Variants in CPEB3 observed in about 807,000 individuals in gnomAD.
CPEB3 encodes the protein cytoplasmic polyadenylation element binding protein 3.
Under a neutral mutation model 67.2 loss-of-function variants are expected in CPEB3, and 20 were observed. The ratio of observed to expected loss-of-function variants is 0.30; its 90% confidence interval spans 0.21 to 0.43. The LOEUF (loss-of-function observed/expected upper bound fraction) is 0.43, where lower values mean the gene tolerates loss of function less well. CPEB3 is among the 20% of genes least tolerant of loss of function. The pLI, the probability that CPEB3 is intolerant of heterozygous loss-of-function variation, is 1.00. For synonymous variants in CPEB3, 376 were observed against 393.1 expected, an observed-to-expected ratio of 0.96 and a Z score of 0.51; for missense variants, 746 against 968.6, an observed-to-expected ratio of 0.77 and a Z score of 3.05.
intron 4 of CPEB3, among the ~76,000 whole-genome samples, chr10:92,153,505 G>C (rs1020337489): frequency 3.3e-5 from 5 of 151,988 alleles, no homozygotes; most frequent in African/African-American, 1.2e-4. Context: ...ACTAGCATGG[G>C]CTGGGTGCAG....
rs186824364 is a variant in CPEB3 at position 92,191,167 on chromosome 10, C to T, written c.1165+1310G>A. On this transcript the variant is annotated intron_variant, in intron 3 of 9. Coordinates refer to ENST00000265997, the MANE Select transcript of CPEB3 (RefSeq NM_014912.5). ...TGGCACTCCCAGCACTTTGGGAGGC[C>T]GAGGTGGGCAGATCACTAGAGGTCA... 5.3e-5 allele frequency among the ~76,000 whole-genome samples: 8 copies of T among 151,972 alleles called. No homozygotes were observed. The East Asian group carries it at 9.6e-4, about 18-fold the overall frequency.
At chr10:92,130,097 A>C (rs1401849488) in intron 6 of CPEB3, among the ~76,000 whole-genome samples, 1 of 151,622 alleles carries the variant, frequency 6.6e-6, no homozygotes, top group East Asian at 2.0e-4. Flanking sequence ...AAAGGCACTG[A>C]AGCCTTTTTT....
chr10:92,052,110 C>T lies in CPEB3; in HGVS notation c.*102G>A, dbSNP rs1056228933. 44 of 691,250 alleles carry T rather than the reference C, an allele frequency of 6.4e-5. No individual in the cohort carries two copies. The highest frequency in any genetic ancestry group is 5.7e-4 in the East Asian group (21 of 37,046). The allele number at this position is 691,250 out of a possible 1,614,324, so 42.8% of individuals were successfully genotyped here. On this transcript the variant is annotated 3_prime_UTR_variant, in exon 10 of 10. Coordinates refer to ENST00000265997, the MANE Select transcript of CPEB3 (RefSeq NM_014912.5). ...CCAATTCTTCTTTAAAAATCGAGAA[C>T]GAATGCACAGATTTCCAGAACACTG...
At position 92,240,056 on chromosome 10, in the gene CPEB3, G is replaced by T. The variant is rs374878960; in HGVS notation, c.295C>A (p.Pro99Thr). Residue 99 changes from proline (P) to threonine (T), a missense_variant, in exon 2 of 10, where the codon CCG becomes ACG. By Grantham distance (38) the Pro-to-Thr change is conservative. Transcript: ENST00000265997. ...AAGGACGGCGACAGCGACGCGCCCG[G>T]TGCCGCGGGCTCCTGAGGCGGCGGC... ...QPPPPQEPAA[P>T]GASLSPSFGS... The T allele has an allele frequency of 9.4e-6, 15 of 1,594,914 alleles. No homozygotes were observed. In the African/African-American group the frequency reaches 2.0e-4, roughly 21 times the overall value.
chr10:92,166,872 G>A (rs1455993686), intron 4 of CPEB3, among the ~76,000 whole-genome samples: 1 of 152,170 alleles, frequency 6.6e-6, no homozygotes, highest in Non-Finnish European at 1.5e-5. Context: ...TCCAATAGAT[G>A]GCTGTTTCAC....
intron 2 of CPEB3, among the ~76,000 whole-genome samples, chr10:92,227,726 G>C (rs1044243565): frequency 6.6e-6 from 1 of 151,604 alleles, no homozygotes. Context: ...CGAGTAGCTG[G>C]GACTACAGGT....
chr10:92,117,169 GC>G (rs1845074462), intron 6 of CPEB3, among the ~76,000 whole-genome samples: 1 of 150,374 alleles, frequency 6.7e-6, no homozygotes, highest in African/African-American at 2.5e-5. Flanking sequence ...GATTACAGGT[GC>G]CCGCCACCAT....
At chr10:92,075,972 G>T (rs983297843) in intron 9 of CPEB3, among the ~76,000 whole-genome samples, 4 of 152,118 alleles carry the variant, frequency 2.6e-5, no homozygotes, top group Admixed American at 1.3e-4. Flanking sequence ...GCAACCTGAG[G>T]GGACACACCT....
At chr10:92,281,840 G>A (rs1474541503) in intron 1 of CPEB3, among the ~76,000 whole-genome samples, 1 of 152,200 alleles carries the variant, frequency 6.6e-6, no homozygotes, top group African/African-American at 2.4e-5. Context: ...CTTGAATGGT[G>A]CTAAGGTGCA....
intron 1 of CPEB3, among the ~76,000 whole-genome samples, chr10:92,264,982 A>G (rs1852987117): frequency 1.3e-5 from 2 of 152,016 alleles, no homozygotes; most frequent in Admixed American, 1.3e-4. Flanking sequence ...CCTGGCCAAC[A>G]TGGTGAAACT....
chr10:92,250,858 A>ATTTTTTTTT (rs1211646953), intron 1 of CPEB3, among the ~76,000 whole-genome samples: 15 of 104,124 alleles, frequency 1.4e-4, no homozygotes, highest in Non-Finnish European at 2.3e-4. Flanking sequence ...CACACAGTTA[A>ATTTTTTTTT]TTTTTTTTTT....
chr10:92,115,381 T>C (rs1448059355), intron 6 of CPEB3, among the ~76,000 whole-genome samples: 1 of 112,642 alleles, frequency 8.9e-6, no homozygotes, highest in African/African-American at 4.0e-5. Context: ...CTCAAACACC[T>C]GACCTTGTGA....
chr10:92,097,971 G>A (rs937012933), intron 7 of CPEB3, among the ~76,000 whole-genome samples: 13 of 151,738 alleles, frequency 8.6e-5, no homozygotes, highest in African/African-American at 2.9e-4. Context: ...AGACCAGCCT[G>A]ACCAATATGG....
chr10:92,098,245 C>A (rs1843985828), intron 7 of CPEB3, among the ~76,000 whole-genome samples: 1 of 140,390 alleles, frequency 7.1e-6, no homozygotes, highest in Non-Finnish European at 1.5e-5. Flanking sequence ...AAATTATTTC[C>A]ATAGACCCCA....
chr10:92,135,467 T>A (rs545257131), intron 6 of CPEB3, among the ~76,000 whole-genome samples: 1 of 152,110 alleles, frequency 6.6e-6, no homozygotes, highest in East Asian at 1.9e-4. Flanking sequence ...TGAGATACCA[T>A]CTCACGCCAG....
At chr10:92,257,982 A>G (rs555340074) in intron 1 of CPEB3, among the ~76,000 whole-genome samples, 197 of 152,114 alleles carry the variant, frequency 1.3e-3, no homozygotes, top group Non-Finnish European at 2.4e-3. Flanking sequence ...CGCCAACCTC[A>G]GCCTACCAAA....
chr10:92,188,225 A>G (rs1023114698), intron 3 of CPEB3, among the ~76,000 whole-genome samples: 1 of 150,792 alleles, frequency 6.6e-6, no homozygotes, highest in African/African-American at 2.4e-5. Context: ...AAAATAAGAA[A>G]CAGCTGTCAT....
intron 4 of CPEB3, among the ~76,000 whole-genome samples, chr10:92,176,784 A>G (rs942627806): frequency 6.6e-6 from 1 of 152,226 alleles, no homozygotes; most frequent in Non-Finnish European, 1.5e-5. Context: ...AATAGAGGAA[A>G]AGTCACCAAG....
intron 4 of CPEB3, among the ~76,000 whole-genome samples, chr10:92,175,592 A>G (rs1848189029): frequency 6.6e-6 from 1 of 152,236 alleles, no homozygotes; most frequent in Admixed American, 6.5e-5. Context: ...AAGTGCCAAC[A>G]TCACAAGATA....
Sources: gnomAD v4.1 joint callset for allele counts (sites outside exome capture counted in the v4.1 genomes callset) on GRCh38, gnomAD v4.1.1 for gene constraint, MANE v1.5 for transcripts, NCBI Gene and HGNC (gene_info 2026-07-23, HGNC 2026-07-21) for gene names.